NDOR1: variants seen among roughly 807,000 people sequenced by gnomAD.
The protein encoded by NDOR1 is NADPH-dependent diflavin oxidoreductase 1.
A neutral mutation model predicts 67.2 loss-of-function variants in NDOR1; 61 were observed. That is an observed-to-expected ratio of 0.91 (90% confidence interval 0.74 to 1.12). NDOR1 has a LOEUF of 1.12. NDOR1 is among the 50% of genes most tolerant of loss of function. NDOR1 has a pLI of 0.00. For synonymous variants in NDOR1, 378 were observed against 343.7 expected, an observed-to-expected ratio of 1.10 and a Z score of -1.10; for missense variants, 878 against 802.8, an observed-to-expected ratio of 1.09 and a Z score of -1.13.
Position 137,216,112 on chromosome 9 carries a change from C to T in NDOR1, c.1573C>T (p.Gln525Ter). 6.2e-7 allele frequency: 1 copy of T among 1,613,570 alleles called. No homozygotes were observed. The highest frequency in any genetic ancestry group is 8.5e-7 in the Non-Finnish European group (1 of 1,180,008). The change falls in exon 13 of 14, where the codon CAG (glutamine) becomes TAG (stop). Residue 525 changes from glutamine (Q) to a stop codon, truncating the protein, a stop_gained. Transcript: ENST00000684003. LOFTEE classifies it high-confidence loss of function. Reference protein sequence around the residue: ...SREQEQKVYVQHRLRELGSLV... With the variant: ...SREQEQKVYV Reference sequence around the variant, plus strand: ...CCTACAGGAGCAGAAAGTATATGTGCAGCACCGGCTCCGGGAGCTGGGGTC... The same window carrying T: ...CCTACAGGAGCAGAAAGTATATGTGTAGCACCGGCTCCGGGAGCTGGGGTC...
In NDOR1 at chr9:137,219,210, G is replaced by A. The variant is rs552720152; in HGVS notation, c.*2794G>A. 1 of 152,422 alleles carries A rather than the reference G, an allele frequency of 6.6e-6. No homozygotes were observed. The highest frequency in any genetic ancestry group is 2.4e-5 in the African/African-American group (1 of 41,580). 9.4% of individuals were successfully genotyped at this position (152,422 alleles called of 1,614,324 possible). ...GTTGGCGCTGGCCTGTGTTGCAGGG[G>A]ACAAGGGCCCACCCAGGCCTTGGAA... On this transcript the variant is annotated 3_prime_UTR_variant, in exon 14 of 14. Transcript: ENST00000684003.
rs757382435 is a variant in NDOR1, at chr9:137,215,685, C to G, written c.1315C>G (p.Arg439Gly). Residue 439 changes from arginine (R) to glycine (G), a missense_variant, in exon 11 of 14, where the codon CGG (arginine) becomes GGG (glycine). By Grantham distance (125) the Arg-to-Gly change is moderately radical. Coordinates refer to ENST00000684003, the MANE Select transcript of NDOR1 (RefSeq NM_014434.4). ...QGPVRVPLWV[R>G]PGSLAFPETP... ...ACCTGTCCGGGTGCCCCTCTGGGTG[C>G]GGCCTGGGAGTCTGGCCTTCCCAGA... 11 of 1,576,950 alleles carry G rather than the reference C, an allele frequency of 7.0e-6. No homozygotes were observed. The East Asian group carries it at 2.2e-4, about 32-fold the overall frequency.
At position 137,213,871 on chromosome 9, in the gene NDOR1, G is replaced by A; in HGVS notation, c.403G>A (p.Glu135Lys). 1.2e-6 allele frequency: 2 copies of A among 1,609,990 alleles called. No homozygotes were observed. Among genetic ancestry groups the A allele is most frequent in the South Asian group, 1.1e-5 (1 of 90,784 alleles). Reference sequence around the variant, plus strand: ...CGTGTGCCTGGGCGATGACCAGCATGAGCTGGGGTGAGTCTGCGGGCGTGG... The same window carrying A: ...CGTGTGCCTGGGCGATGACCAGCATAAGCTGGGGTGAGTCTGCGGGCGTGG... Reference protein sequence around the residue: ...LPVCLGDDQHELGPDAAVDPW... With the variant: ...LPVCLGDDQHKLGPDAAVDPW... The change falls in exon 4 of 14, where the codon GAG (glutamate) becomes AAG (lysine). Residue 135 changes from glutamate to lysine, a missense_variant. Glu to Lys is a moderately conservative substitution (Grantham distance 56). Transcript: ENST00000684003.
Position 137,212,588 on chromosome 9 carries a change from C to A in NDOR1, c.300C>A (p.Ser100=), listed in dbSNP as rs760833162. The part of the protein sequence containing the change: ...MDFAVLGLGD[S]SYAKFNFVAK... Reference sequence around the variant, plus strand: ...TTGCCGTCCTGGGCCTCGGGGACTCCTCATACGCCAAGTGAGTAGGGGATG... The same window carrying A: ...TTGCCGTCCTGGGCCTCGGGGACTCATCATACGCCAAGTGAGTAGGGGATG... The change falls in exon 3 of 14, where the codon TCC becomes TCA. Residue 100 remains serine, a synonymous_variant. Coordinates refer to ENST00000684003, the MANE Select transcript of NDOR1 (RefSeq NM_014434.4). The surrounding 1 kb of genome is among the most constrained non-coding windows in gnomAD (Gnocchi z 4.3). The A allele has an allele frequency of 6.2e-7, 1 of 1,613,734 alleles. No homozygotes were observed. The highest frequency in any genetic ancestry group is 1.7e-5 in the Admixed American group (1 of 60,016).
In NDOR1 at chr9:137,218,825, T is replaced by C; in HGVS notation, c.*2409T>C. 2.5e-6 allele frequency: 1 copy of C among 393,198 alleles called. No individual in the cohort carries two copies. The highest frequency in any genetic ancestry group is 4.5e-6 in the Non-Finnish European group (1 of 223,160). 24.4% of individuals were successfully genotyped at this position (393,198 alleles called of 1,614,324 possible). ...CATGGCTGCACTGCTGCCCAGACAC[T>C]AGCTGAACCCAAGGACACCAGCGCC... On this transcript the variant is annotated 3_prime_UTR_variant, in exon 14 of 14. Coordinates refer to ENST00000684003, the MANE Select transcript of NDOR1 (RefSeq NM_014434.4).
At chr9:137,207,500 T>G in intron 2 of NDOR1, among the ~76,000 whole-genome samples, 1 of 151,770 alleles carries the variant, frequency 6.6e-6, no homozygotes, top group South Asian at 2.1e-4. Flanking sequence ...AGATAGGTGT[T>G]GAGGTAGCCA....
rs1229086744 is a variant in NDOR1 at position 137,212,524 on chromosome 9, G to A, written c.236G>A (p.Arg79Gln). ...NMKNFWRFIF[R>Q]KNLPSTALCQ... ...TAGAACTTCTGGAGGTTTATATTCC[G>A]GAAGAACCTGCCCTCCACTGCCCTC... The change falls in exon 3 of 14, where the codon CGG becomes CAG. Residue 79 changes from arginine to glutamine, a missense_variant. Physicochemically the swap from Arg to Gln is conservative, Grantham distance 43 (BLOSUM62 1). Transcript: ENST00000684003. This position sits in a 1 kb window ranked among gnomAD's most constrained non-coding sequence, Gnocchi z 4.3. The A allele has an allele frequency of 1.1e-5, 17 of 1,613,930 alleles. No individual in the cohort carries two copies. The highest frequency in any genetic ancestry group is 2.7e-5 in the African/African-American group (2 of 74,906).
chr9:137,205,740 A>G lies in NDOR1; in HGVS notation c.-38A>G. ...ACCCGGCCGGCGGGAACTGCCTTCT[A>G]GTTTTTAGTCTCAGACCAGACCACC... On this transcript the variant is annotated 5_prime_UTR_variant, in exon 1 of 14. Transcript: ENST00000684003. 1.3e-6 allele frequency: 2 copies of G among 1,599,510 alleles called. No individual in the cohort carries two copies. Among genetic ancestry groups the G allele is most frequent in the South Asian group, 1.1e-5 (1 of 91,060 alleles).
In NDOR1 at chr9:137,205,733, G is replaced by T; in HGVS notation, c.-45G>T. On this transcript the variant is annotated 5_prime_UTR_variant, in exon 1 of 14. Transcript: ENST00000684003. ...CCCTGCAACCCGGCCGGCGGGAACT[G>T]CCTTCTAGTTTTTAGTCTCAGACCA... 1 of 1,598,736 alleles carries T rather than the reference G, an allele frequency of 6.3e-7. No individual in the cohort carries two copies. Among genetic ancestry groups the T allele is most frequent in the Non-Finnish European group, 8.5e-7 (1 of 1,179,242 alleles).
chr9:137,209,827 C>A (rs923788300), intron 2 of NDOR1, among the ~76,000 whole-genome samples: 2 of 152,248 alleles, frequency 1.3e-5, no homozygotes, highest in Admixed American at 1.3e-4. Flanking sequence ...CGCGCTGGCC[C>A]AAGCCTGTAA....
Position 137,215,641 on chromosome 9 carries a change from ACCT to A in NDOR1, c.1289-14_1289-12del. ...ACAGGTCTTTGATCCTCTTCATGCC[ACCT>A]CCTTCCTGCAATAGGACCTGTCCGG... On this transcript the variant is annotated splice_polypyrimidine_tract_variant and intron_variant, in intron 10 of 13. Coordinates refer to ENST00000684003, the MANE Select transcript of NDOR1 (RefSeq NM_014434.4). 1 of 1,575,888 alleles carries A rather than the reference ACCT, an allele frequency of 6.3e-7. No homozygotes were observed.
In NDOR1 at chr9:137,218,847, C is replaced by T. The variant is rs545184990; in HGVS notation, c.*2431C>T. 1.3e-5 allele frequency: 5 copies of T among 388,676 alleles called. No individual in the cohort carries two copies. Among genetic ancestry groups the T allele is most frequent in the East Asian group, 7.3e-5 (2 of 27,296 alleles). The allele number at this position is 388,676 out of a possible 1,614,324, so 24.1% of individuals were successfully genotyped here. On this transcript the variant is annotated 3_prime_UTR_variant, in exon 14 of 14. Transcript: ENST00000684003. ...CACTAGCTGAACCCAAGGACACCAG[C>T]GCCCAAGGACAGCTCCTGGAGGAGG...
In NDOR1 at chr9:137,218,650, T is replaced by C; in HGVS notation, c.*2234T>C. ...CGCCAACAGGCCAGGGGGCCCAGAC[T>C]GGCCCACGTCCCCATGCCTGGGTGC... is the stretch of plus-strand genomic sequence containing the variant. On this transcript the variant is annotated 3_prime_UTR_variant, in exon 14 of 14. Transcript: ENST00000684003. 2.5e-6 allele frequency: 1 copy of C among 398,526 alleles called. No individual in the cohort carries two copies. The highest frequency in any genetic ancestry group is 3.6e-5 in the East Asian group (1 of 28,072). The allele number at this position is 398,526 out of a possible 1,614,324, so 24.7% of individuals were successfully genotyped here. A position where few individuals can be genotyped will look rare whatever the true frequency, so the allele number is the denominator to read the frequency against.
At position 137,215,486 on chromosome 9, in the gene NDOR1, GCTC is replaced by G; in HGVS notation, c.1259_1261del (p.Ser420del). ...CTCAAGGAGCCCCGCCGGGGCCTCTGCTCCTCCTGGCTGGCATCCCTGGACCCT... is the reference window on the plus strand; with the variant it reads ...CTCAAGGAGCCCCGCCGGGGCCTCTGCTCCTGGCTGGCATCCCTGGACCCT... On this transcript the variant is annotated inframe_deletion, in exon 10 of 14. Coordinates refer to ENST00000684003, the MANE Select transcript of NDOR1 (RefSeq NM_014434.4). 6.2e-7 allele frequency: 1 copy of G among 1,613,372 alleles called. No individual in the cohort carries two copies. Among genetic ancestry groups the G allele is most frequent in the Non-Finnish European group, 8.5e-7 (1 of 1,180,000 alleles).
rs113736428 is a variant in NDOR1, at chr9:137,214,397, T to G, written c.706T>G (p.Leu236Val). 2.8e-4 allele frequency: 458 copies of G among 1,614,104 alleles called. 1 individual carries two copies. In the African/African-American group the frequency reaches 4.8e-3, roughly 17 times the overall value. Reference sequence around the variant, plus strand: ...CGTTCGGCTGATTGAGTTTGACATCTTGGGCTCTGGCATCAGGTGGGGACT... The same window carrying G: ...CGTTCGGCTGATTGAGTTTGACATCGTGGGCTCTGGCATCAGGTGGGGACT... Reference protein sequence around the residue: ...QDVRLIEFDILGSGISFAAGD... With the variant: ...QDVRLIEFDIVGSGISFAAGD... The change falls in exon 6 of 14, where the codon TTG becomes GTG. Residue 236 changes from leucine to valine, a missense_variant. Transcript: ENST00000684003.
intron 3 of NDOR1, among the ~76,000 whole-genome samples, chr9:137,213,438 G>T (rs573505079): frequency 7.2e-5 from 11 of 152,268 alleles, no homozygotes; most frequent in African/African-American, 2.4e-4. Flanking sequence ...CCCACATCTT[G>T]GCTGGGGGCC....
At position 137,218,380 on chromosome 9, in the gene NDOR1, C is replaced by G; in HGVS notation, c.*1964C>G. On this transcript the variant is annotated 3_prime_UTR_variant, in exon 14 of 14. Transcript: ENST00000684003. The stretch of plus-strand genomic sequence containing the variant: ...CCCTGGAGCACCGCTACCAGCTGCG[C>G]TTCCTGGCAGGGCCCGTGGGCGGCC... 2.5e-6 allele frequency: 1 copy of G among 398,650 alleles called. No individual in the cohort carries two copies. The highest frequency in any genetic ancestry group is 4.4e-6 in the Non-Finnish European group (1 of 226,124). 24.7% of individuals were successfully genotyped at this position (398,650 alleles called of 1,614,324 possible). A position where few individuals can be genotyped will look rare whatever the true frequency, so the allele number is the denominator to read the frequency against.
rs1004585247 is a variant in NDOR1, at chr9:137,217,222, T to C, written c.*806T>C. The stretch of plus-strand genomic sequence containing the variant: ...CCTTGTTGGGCTGCCTGTGCCCGAG[T>C]GGCCTCTGCAGCTCTTATGTCTGCC... On this transcript the variant is annotated 3_prime_UTR_variant, in exon 14 of 14. Coordinates refer to ENST00000684003, the MANE Select transcript of NDOR1 (RefSeq NM_014434.4). Among the ~76,000 whole-genome samples the C allele has an allele frequency of 3.9e-5, 6 of 152,068 alleles. No individual in the cohort carries two copies. The highest frequency in any genetic ancestry group is 1.4e-4 in the African/African-American group (6 of 41,392).
intron 1 of NDOR1, 104 bp from the exon 2 acceptor site, chr9:137,206,128 C>T (rs868437010): frequency 6.7e-7 from 1 of 1,500,820 alleles, no homozygotes; most frequent in Non-Finnish European, 9.3e-7. Context: ...CACATAAATC[C>T]CTCTGCCCTG....
Sources: allele counts gnomAD v4.1 joint callset (sites outside exome capture counted in the v4.1 genomes callset), GRCh38; gene constraint gnomAD v4.1.1; non-coding constraint Gnocchi (gnomAD v3.1); transcripts MANE v1.5; gene names NCBI Gene and HGNC (gene_info 2026-07-23, HGNC 2026-07-21).